Variants in MEI4 observed in about 807,000 individuals in gnomAD.
MEI4 encodes meiosis-specific protein MEI4.
MEI4 carries 27 observed loss-of-function variants against 31.4 expected under a neutral mutation model. The observed-to-expected ratio is 0.86, with a 90% confidence interval of 0.63 to 1.19. MEI4 has a LOEUF of 1.19. Ranked by LOEUF, MEI4 falls within the 50% of genes most tolerant of loss-of-function variation. The pLI is 0.00. For missense variants in MEI4, 329 were observed against 398.9 expected, an observed-to-expected ratio of 0.82 and a Z score of 1.49; for synonymous variants, 122 against 145.4, an observed-to-expected ratio of 0.84 and a Z score of 1.16.
At chr6:77,867,502 C>T (rs1338616312) in intron 4 of MEI4, among the ~76,000 whole-genome samples, 1 of 152,168 alleles carries the variant, frequency 6.6e-6, no homozygotes, top group Non-Finnish European at 1.5e-5. Context: ...AAATGCAAAT[C>T]AAAACCACAA....
chr6:77,683,456 A>G (rs1255270230), intron 1 of MEI4, among the ~76,000 whole-genome samples: 2 of 152,132 alleles, frequency 1.3e-5, no homozygotes, highest in African/African-American at 4.8e-5. Context: ...CAAGTGTGCA[A>G]AACATTATTA....
chr6:77,893,212 G>A (rs1482741717), intron 4 of MEI4, among the ~76,000 whole-genome samples: 1 of 152,182 alleles, frequency 6.6e-6, no homozygotes, highest in Non-Finnish European at 1.5e-5. Flanking sequence ...TGTAGAGAAG[G>A]TGAGTGCCAG....
intron 4 of MEI4, among the ~76,000 whole-genome samples, chr6:77,859,957 G>A (rs1770829807): frequency 6.6e-6 from 1 of 152,114 alleles, no homozygotes; most frequent in Non-Finnish European, 1.5e-5. Flanking sequence ...GATTTTATTA[G>A]CTTTTATTCC....
chr6:77,816,916 T>C (rs956549855), intron 3 of MEI4, among the ~76,000 whole-genome samples: 3 of 152,158 alleles, frequency 2.0e-5, no homozygotes, highest in Non-Finnish European at 4.4e-5. Context: ...CTTTGCGCAA[T>C]GTTGTATCTG....
At chr6:77,652,407 T>C (rs1456815389), upstream of MEI4, among the ~76,000 whole-genome samples, 6 of 152,190 alleles carry the variant, frequency 3.9e-5, no homozygotes, top group African/African-American at 1.4e-4. Flanking sequence ...TTGGCAGTTA[T>C]GATGTCATTT....
intron 3 of MEI4, among the ~76,000 whole-genome samples, chr6:77,789,624 CAT>C (rs1309250954): frequency 6.6e-6 from 1 of 152,160 alleles, no homozygotes; most frequent in Non-Finnish European, 1.5e-5. Flanking sequence ...CAAAAGAAGA[CAT>C]GTATGCAGCC....
At chr6:77,855,124 C>T (rs1227837665) in intron 4 of MEI4, among the ~76,000 whole-genome samples, 1 of 152,058 alleles carries the variant, frequency 6.6e-6, no homozygotes, top group Non-Finnish European at 1.5e-5. Flanking sequence ...GGGCAGATCA[C>T]CTGAGGTCAG....
At chr6:77,896,733 T>C (rs1766091880) in intron 4 of MEI4, among the ~76,000 whole-genome samples, 1 of 152,028 alleles carries the variant, frequency 6.6e-6, no homozygotes, top group Admixed American at 6.6e-5. Flanking sequence ...GGAATTATCT[T>C]CTAGATTACT....
In MEI4 at chr6:77,822,610, A is replaced by AT. The variant is rs1491472797; in HGVS notation, c.769-6320dup. Among the ~76,000 whole-genome samples, 4 of 44,574 alleles carry AT rather than the reference A, an allele frequency of 9.0e-5. No individual in the cohort carries two copies. In the South Asian group the frequency reaches 1.5e-3, roughly 17 times the overall value. 29.2% of individuals were successfully genotyped at this position (44,574 alleles called of 152,430 possible). On this transcript the variant is annotated intron_variant, in intron 3 of 4. Coordinates refer to ENST00000684080, the MANE Select transcript of MEI4 (RefSeq NM_001322247.2). ...TCATGATAAGCTGGATTGCATTTGGATACCCCCCCCCCCTTTTTTTTTTTC... is the reference window on the plus strand; with the variant it reads ...TCATGATAAGCTGGATTGCATTTGGATTACCCCCCCCCCCTTTTTTTTTTTC...
At chr6:77,735,610 G>T (rs1767171415) in intron 2 of MEI4, among the ~76,000 whole-genome samples, 1 of 151,906 alleles carries the variant, frequency 6.6e-6, no homozygotes, top group South Asian at 2.1e-4. Context: ...TAATTTGATT[G>T]TCTGAAGCCT....
intron 3 of MEI4, among the ~76,000 whole-genome samples, chr6:77,791,552 G>T: frequency 7.0e-6 from 1 of 143,166 alleles, no homozygotes; most frequent in Non-Finnish European, 1.5e-5. Context: ...GAGGGGAGAG[G>T]GATAGCATTG....
chr6:77,737,437 C>T (rs77592807), intron 2 of MEI4, among the ~76,000 whole-genome samples: 4,292 of 151,966 alleles, frequency 0.028, 118 homozygotes, highest in Middle Eastern at 0.065. Flanking sequence ...AATAAAGGCT[C>T]GGGATATAGC....
chr6:77,870,958 T>C (rs905639275), intron 4 of MEI4, among the ~76,000 whole-genome samples: 1 of 152,188 alleles, frequency 6.6e-6, no homozygotes. Flanking sequence ...AATTCTGCAT[T>C]TTTTACAAGT....
intron 3 of MEI4, among the ~76,000 whole-genome samples, chr6:77,765,679 A>T (rs1020306739): frequency 2.0e-5 from 3 of 150,680 alleles, no homozygotes; most frequent in African/African-American, 7.4e-5. Context: ...CAGCCATCCC[A>T]TTACTGGGTA....
rs9448162 is a variant in MEI4 at position 77,696,288 on chromosome 6, C to A, written c.232+5385C>A. Among the ~76,000 whole-genome samples the A allele has an allele frequency of 7.0e-3, 1,060 of 152,252 alleles. 13 individuals carry two copies. The highest frequency in any genetic ancestry group is 0.024 in the African/African-American group (1,000 of 41,550). On this transcript the variant is annotated intron_variant, in intron 2 of 4. Transcript: ENST00000684080. ...TCCTGCCTGATTGTCCTGGACAGAACTTCCAACACTATGTTGAATAGGAGT... is the reference window on the plus strand; with the variant it reads ...TCCTGCCTGATTGTCCTGGACAGAAATTCCAACACTATGTTGAATAGGAGT...
chr6:77,781,089 G>T (rs989796209), intron 3 of MEI4, among the ~76,000 whole-genome samples: 11 of 151,762 alleles, frequency 7.2e-5, no homozygotes, highest in African/African-American at 2.4e-4. Flanking sequence ...ATAGAGACAG[G>T]GTCTTGCTTT....
At chr6:77,728,903 C>G (rs1766897728) in intron 2 of MEI4, among the ~76,000 whole-genome samples, 1 of 152,076 alleles carries the variant, frequency 6.6e-6, no homozygotes, top group African/African-American at 2.4e-5. Flanking sequence ...CTTGCTCTGG[C>G]TGCTGTATGG....
intron 2 of MEI4, among the ~76,000 whole-genome samples, chr6:77,746,195 A>G (rs932578703): frequency 6.6e-6 from 1 of 152,184 alleles, no homozygotes; most frequent in Non-Finnish European, 1.5e-5. Context: ...CGGTTTTTTG[A>G]AAGGATCAAC....
chr6:77,883,717 G>GATTATAT (rs1771542712), intron 4 of MEI4, among the ~76,000 whole-genome samples: 1 of 43,338 alleles, frequency 2.3e-5, no homozygotes, highest in Non-Finnish European at 3.8e-5. Context: ...TATTATGTAA[G>GATTATAT]ATATATATAT....
Sources: allele counts gnomAD v4.1 joint callset (sites outside exome capture counted in the v4.1 genomes callset), GRCh38; gene constraint gnomAD v4.1.1; transcripts MANE v1.5; gene names NCBI Gene and HGNC (gene_info 2026-07-23, HGNC 2026-07-21).